ABCA13: variants seen among roughly 807,000 people sequenced by gnomAD.
ABCA13 encodes the protein ATP-binding cassette sub-family A member 13.
Under a neutral mutation model 478.7 loss-of-function variants are expected in ABCA13, and 476 were observed. The ratio of observed to expected loss-of-function variants is 0.99; its 90% CI spans 0.92 to 1.07. ABCA13 has a LOEUF of 1.07. Ranked by LOEUF, ABCA13 falls within the 50% of genes least tolerant of loss-of-function variation. The pLI is 0.00. For missense variants in ABCA13, 6,060 were observed against 5,910.6 expected (o/e 1.03, Z -0.83); for synonymous variants, 2,252 against 2,158.9 (o/e 1.04, Z -1.20).
In ABCA13 at chr7:48,298,423, C is replaced by G; in HGVS notation, c.9257C>G (p.Ser3086Cys). The change falls in exon 23 of 62, where the codon TCT (serine) becomes TGT (cysteine). Residue 3086 changes from serine to cysteine, a missense_variant. Around this residue, in one of 3 missense-constraint regions of ABCA13, gnomAD observed 4,423 missense variants for 4,309.1 expected, o/e 1.03. Coordinates refer to ENST00000435803, the MANE Select transcript of ABCA13 (RefSeq NM_152701.5). ...ACCAAGTTGACTGAGGAGCTTCGCT[C>G]TTCCATCCAAATCTCGAATGAGACT... is the stretch of plus-strand genomic sequence containing the variant. ...NITKLTEELRSSIQISNETIH... is the reference protein window; with the variant it reads ...NITKLTEELRCSIQISNETIH... 1.9e-6 allele frequency: 3 copies of G among 1,613,318 alleles called. No individual in the cohort carries two copies. The highest frequency in any genetic ancestry group is 2.5e-6 in the Non-Finnish European group (3 of 1,179,438).
chr7:48,449,193 A>G (rs1824683339), intron 42 of ABCA13, among the ~76,000 whole-genome samples: 1 of 152,092 alleles, frequency 6.6e-6, no homozygotes, highest in African/African-American at 2.4e-5. Context: ...TTCAGGTTTT[A>G]TGTTTTGTTA....
In ABCA13 at chr7:48,604,623, T is replaced by G. The variant is rs186274458; in HGVS notation, c.14744+9810T>G. Among the ~76,000 whole-genome samples, 135 of 152,324 alleles carry G rather than the reference T, an allele frequency of 8.9e-4. 1 individual carries two copies. The highest frequency in any genetic ancestry group is 3.2e-3 in the African/African-American group (132 of 41,584). ...GTTATGATTTCCGTTCTTTTGCAGT[T>G]GCTGAGGAGTGTTTTACTTCCAATT... On this transcript the variant is annotated intron_variant, in intron 58 of 61. Coordinates refer to ENST00000435803, the MANE Select transcript of ABCA13 (RefSeq NM_152701.5).
chr7:48,269,066 C>G lies in ABCA13; in HGVS notation c.2092C>G (p.Leu698Val). The change falls in exon 16 of 62, where the codon CTC becomes GTC. Residue 698 changes from leucine to valine, a missense_variant. Physicochemically the swap from Leu to Val is conservative, Grantham distance 32. Coordinates refer to ENST00000435803, the MANE Select transcript of ABCA13 (RefSeq NM_152701.5). ...TTATTTTCAATTTTTGAATAACTTACTCAAGTCTCCAACAGCTTCCATATC... is the reference window on the plus strand; with the variant it reads ...TTATTTTCAATTTTTGAATAACTTAGTCAAGTCTCCAACAGCTTCCATATC... ...DNYFQFLNNL[L>V]KSPTASISRA... is the part of the protein sequence containing the mutation. 6.3e-7 allele frequency: 1 copy of G among 1,586,472 alleles called. No homozygotes were observed. Among genetic ancestry groups the G allele is most frequent in the Middle Eastern group, 1.7e-4 (1 of 5,990 alleles).
intron 48 of ABCA13, among the ~76,000 whole-genome samples, chr7:48,502,105 T>G (rs1830803365): frequency 6.6e-6 from 1 of 152,218 alleles, no homozygotes; most frequent in Non-Finnish European, 1.5e-5. Context: ...ACTAGCTTCC[T>G]TAACACAATT....
intron 59 of ABCA13, among the ~76,000 whole-genome samples, chr7:48,620,269 G>A (rs1168538881): frequency 1.3e-5 from 2 of 152,148 alleles, no homozygotes; most frequent in African/African-American, 4.8e-5. Context: ...ATTGGAATTT[G>A]AGAGCAAGTA....
chr7:48,368,540 G>A (rs958308963), intron 32 of ABCA13, among the ~76,000 whole-genome samples: 2 of 151,754 alleles, frequency 1.3e-5, no homozygotes, highest in Admixed American at 6.6e-5. Flanking sequence ...TCCCACACGT[G>A]AGTGAGAACA....
chr7:48,326,758 A>G (rs182298906), intron 27 of ABCA13, among the ~76,000 whole-genome samples: 1 of 152,320 alleles, frequency 6.6e-6, no homozygotes, highest in African/African-American at 2.4e-5. Context: ...ACATGTGAGT[A>G]TATCTATTTC....
chr7:48,629,215 A>C (rs923004002), intron 59 of ABCA13, among the ~76,000 whole-genome samples: 4 of 152,326 alleles, frequency 2.6e-5, no homozygotes, highest in African/African-American at 9.6e-5. Context: ...GCTGGTGTAC[A>C]CCGGCTTGCC....
At chr7:48,525,465 T>G (rs181800708) in intron 54 of ABCA13, among the ~76,000 whole-genome samples, 171 of 152,164 alleles carry the variant, frequency 1.1e-3, no homozygotes, top group African/African-American at 3.8e-3. Flanking sequence ...AAAAGGCATA[T>G]GAATTTATTT....
chr7:48,330,807 A>G (rs764684372), intron 27 of ABCA13, among the ~76,000 whole-genome samples: 18 of 152,176 alleles, frequency 1.2e-4, no homozygotes, highest in Admixed American at 7.2e-4. Flanking sequence ...TTATTCATCT[A>G]TCCTCCCAAC....
intron 39 of ABCA13, among the ~76,000 whole-genome samples, chr7:48,406,909 A>G (rs1443979750): frequency 1.3e-5 from 2 of 151,604 alleles, no homozygotes; most frequent in South Asian, 2.1e-4. Context: ...AATAAAATAT[A>G]TGTATATATA....
intron 55 of ABCA13, among the ~76,000 whole-genome samples, chr7:48,558,195 C>CT (rs1786059971): frequency 7.3e-6 from 1 of 136,176 alleles, no homozygotes; most frequent in African/African-American, 2.7e-5. Flanking sequence ...TCCTTCCTTC[C>CT]TCTCTCTCTC....
chr7:48,413,912 G>A (rs17729597), intron 41 of ABCA13, among the ~76,000 whole-genome samples: 29,673 of 152,118 alleles, frequency 0.2, 3,288 homozygotes, highest in East Asian at 0.23. Context: ...CCCAAATCAC[G>A]AAGGTCGTAA....
chr7:48,608,164 A>G (rs1389339998), intron 58 of ABCA13, among the ~76,000 whole-genome samples: 2 of 152,058 alleles, frequency 1.3e-5, no homozygotes, highest in Non-Finnish European at 2.9e-5. Context: ...TACAGGCATA[A>G]GCCACCATGC....
intron 51 of ABCA13, among the ~76,000 whole-genome samples, chr7:48,515,547 C>T (rs1452685322): frequency 1.3e-5 from 2 of 152,166 alleles, no homozygotes; most frequent in African/African-American, 4.8e-5. Context: ...GCTTCTTACT[C>T]CCCAGCTTTG....
chr7:48,514,243 C>T (rs1831939826), intron 51 of ABCA13, among the ~76,000 whole-genome samples: 1 of 152,158 alleles, frequency 6.6e-6, no homozygotes, highest in Non-Finnish European at 1.5e-5. Flanking sequence ...AGGCCAACCA[C>T]ATCATGTTCT....
chr7:48,433,548 T>A (rs550692422), intron 42 of ABCA13, among the ~76,000 whole-genome samples: 2 of 151,358 alleles, frequency 1.3e-5, no homozygotes, highest in East Asian at 3.9e-4. Flanking sequence ...TTTTACCATT[T>A]TAACCATATT....
chr7:48,481,200 T>C (rs890070883), intron 46 of ABCA13, 46 bp downstream of exon 46: 5 of 1,402,048 alleles, frequency 3.6e-6, no homozygotes, highest in African/African-American at 2.9e-5. Flanking sequence ...TGGATTACTA[T>C]GGAAAACTTA....
At chr7:48,282,521 A>G (rs1797189209) in intron 19 of ABCA13, among the ~76,000 whole-genome samples, 1 of 152,054 alleles carries the variant, frequency 6.6e-6, no homozygotes, top group Admixed American at 6.5e-5. Flanking sequence ...CCAAGGGTGG[A>G]TCCGATCAGA....
Sources: gnomAD v4.1 joint callset for allele counts (sites outside exome capture counted in the v4.1 genomes callset) on GRCh38, gnomAD v4.1.1 for gene constraint, gnomAD v4.1.1 regional missense constraint, MANE v1.5 for transcripts, NCBI Gene and HGNC (gene_info 2026-07-23, HGNC 2026-07-21) for gene names.